The following ANAPC5 variants were observed in gnomAD, a reference collection of about 807,000 sequenced individuals.
ANAPC5 encodes anaphase promoting complex subunit 5.
In ANAPC5, 60 loss-of-function variants were observed where a neutral mutation model predicts 91.3. The ratio of observed to expected loss-of-function variants is 0.66; its 90% CI spans 0.53 to 0.81. The LOEUF (loss-of-function observed/expected upper bound fraction) is 0.81, where lower values mean the gene tolerates loss of function less well. ANAPC5 is among the 40% of genes least tolerant of loss of function. The pLI is 0.00. For synonymous variants in ANAPC5, 340 were observed against 364.1 expected, an observed-to-expected ratio of 0.93 and a Z score of 0.75; for missense variants, 690 against 931.5, an observed-to-expected ratio of 0.74 and a Z score of 3.37.
At chr12:121,341,225 T>C (rs2136808128) in intron 5 of ANAPC5, among the ~76,000 whole-genome samples, 1 of 152,016 alleles carries the variant, frequency 6.6e-6, no homozygotes, top group South Asian at 2.1e-4. Flanking sequence ...ATCCCAGCAC[T>C]TTGGGAAGCC....
chr12:121,347,377 C>T (rs1427801391), intron 2 of ANAPC5: 1 of 264,578 alleles, frequency 3.8e-6, no homozygotes, highest in African/African-American at 2.3e-5. Context: ...CACTTGTAAT[C>T]CCAGCACTTT....
intron 4 of ANAPC5, among the ~76,000 whole-genome samples, chr12:121,344,581 CAAA>C (rs58016198): frequency 1.5e-4 from 12 of 81,796 alleles, no homozygotes; most frequent in Admixed American, 5.6e-4. Context: ...GACTTGATCT[CAAA>C]AAAAAAAAAA....
chr12:121,347,683 G>T, intron 2 of ANAPC5, 119 bp downstream of exon 2: 3 of 750,964 alleles, frequency 4.0e-6, no homozygotes, highest in East Asian at 2.7e-5. Flanking sequence ...AAAGGCTCTT[G>T]GGAAAACAAC....
At chr12:121,346,098 C>T (rs1555274667) in intron 3 of ANAPC5, 67 bp from the exon 4 acceptor site, 1 of 1,285,834 alleles carries the variant, frequency 7.8e-7, no homozygotes, top group South Asian at 1.4e-5. Context: ...ATGGCAACTC[C>T]ACAATGGCAA....
At chr12:121,341,045 T>C (rs1422009797) in intron 5 of ANAPC5, among the ~76,000 whole-genome samples, 2 of 151,584 alleles carry the variant, frequency 1.3e-5, no homozygotes, top group African/African-American at 4.8e-5. Context: ...TAAGAAATGT[T>C]TGGGCTGGGC....
chr12:121,349,499 A>T (rs1903802038), intron 1 of ANAPC5, among the ~76,000 whole-genome samples: 1 of 152,044 alleles, frequency 6.6e-6, no homozygotes, highest in African/African-American at 2.4e-5. Context: ...GGTGGAGGCT[A>T]TGGTAAGCTA....
chr12:121,331,050 G>A, intron 8 of ANAPC5: 1 of 409,012 alleles, frequency 2.4e-6, no homozygotes, highest in East Asian at 4.5e-5. Flanking sequence ...GTTACTAAGT[G>A]TAGTATACAT....
intron 15 of ANAPC5, among the ~76,000 whole-genome samples, chr12:121,310,933 CAA>C (rs35742192): frequency 1.6e-4 from 10 of 61,150 alleles, no homozygotes; most frequent in Admixed American, 1.9e-4. Context: ...GACTCCATCT[CAA>C]AAAAAAAAAA....
intron 13 of ANAPC5, among the ~76,000 whole-genome samples, chr12:121,319,204 A>C (rs1423855651): frequency 1.3e-5 from 2 of 151,450 alleles, no homozygotes; most frequent in African/African-American, 4.9e-5. Context: ...TCTGGGAGAT[A>C]CTTATTTTCT....
intron 6 of ANAPC5, among the ~76,000 whole-genome samples, chr12:121,336,643 G>C (rs1566191791): frequency 6.6e-6 from 1 of 152,182 alleles, no homozygotes; most frequent in Non-Finnish European, 1.5e-5. Flanking sequence ...TCGCACCACT[G>C]CACGCCAGCC....
chr12:121,350,471 G>T (rs1445216621), intron 1 of ANAPC5, among the ~76,000 whole-genome samples: 1 of 152,036 alleles, frequency 6.6e-6, no homozygotes, highest in Non-Finnish European at 1.5e-5. Context: ...CACGAGGTCT[G>T]GAGATCGAGA....
At chr12:121,327,066 A>G in intron 11 of ANAPC5, 30 bp downstream of exon 11, 1 of 1,572,040 alleles carries the variant, frequency 6.4e-7, no homozygotes, top group Non-Finnish European at 8.6e-7. Context: ...CCATTGCTCC[A>G]GAAGCACGTG....
Position 121,330,499 on chromosome 12 carries a change from G to A in ANAPC5, c.1122+84C>T, listed in dbSNP as rs550818210. On this transcript the variant is annotated intron_variant, in intron 9 of 16. Transcript: ENST00000261819. The stretch of plus-strand genomic sequence containing the variant: ...CTTTGAAACCCATTCTAAATCTATC[G>A]CTGGTTAATGACAGAGGTGGGCAGA... 285 of 1,083,648 alleles carry A rather than the reference G, an allele frequency of 2.6e-4. 1 individual carries two copies. In the African/African-American group the frequency reaches 3.8e-3, roughly 14 times the overall value. The allele number at this position is 1,083,648 out of a possible 1,614,324, so 67.1% of individuals were successfully genotyped here.
intron 6 of ANAPC5, 63 bp from the exon 7 acceptor site, chr12:121,335,786 CAG>C (rs1903212018): frequency 7.2e-7 from 1 of 1,380,194 alleles, no homozygotes; most frequent in Non-Finnish European, 1.0e-6. Flanking sequence ...AAGACAACTG[CAG>C]AGAGTTCCAC....
At chr12:121,315,283 A>G (rs1299616435) in intron 15 of ANAPC5, among the ~76,000 whole-genome samples, 2 of 152,244 alleles carry the variant, frequency 1.3e-5, no homozygotes, top group Non-Finnish European at 2.9e-5. Flanking sequence ...TTGTTGAAGT[A>G]AGTTAAAGAT....
chr12:121,347,908 T>C (rs782278207), intron 1 of ANAPC5, 27 bp from the exon 2 acceptor site: 2 of 1,515,522 alleles, frequency 1.3e-6, no homozygotes, highest in Admixed American at 1.7e-5. Flanking sequence ...TAGGGAGGTA[T>C]GGATTTTAAA....
intron 1 of ANAPC5, chr12:121,351,323 C>G (rs1181833742): frequency 3.4e-6 from 1 of 292,580 alleles, no homozygotes; most frequent in African/African-American, 2.3e-5. Context: ...CAGTGAGCCG[C>G]GATCACACTA....
At chr12:121,344,267 T>C (rs998088823) in intron 4 of ANAPC5, among the ~76,000 whole-genome samples, 5 of 151,952 alleles carry the variant, frequency 3.3e-5, no homozygotes. Flanking sequence ...ATGAGAGGTA[T>C]GGAGGAATAA....
chr12:121,331,352 A>G lies in ANAPC5; in HGVS notation c.1027T>C (p.Cys343Arg), dbSNP rs1903036098. 1 of 1,589,120 alleles carries G rather than the reference A, an allele frequency of 6.3e-7. No homozygotes were observed. Among genetic ancestry groups the G allele is most frequent in the Admixed American group, 1.7e-5 (1 of 59,712 alleles). The change falls in exon 8 of 17, where the codon TGT (cysteine) becomes CGT (arginine). Residue 343 changes from cysteine to arginine, a missense_variant. Cys to Arg is a radical substitution (Grantham distance 180). Around this residue, in one of 5 missense-constraint regions of ANAPC5, gnomAD observed 36 missense variants for 27.6 expected, o/e 1.30. Transcript: ENST00000261819. ...ESNDHVCLQH[C>R]LSWLYVLGQK... ...AGACCAGAGGATGGCCTCACCAAAC[A>G]GTGCTGGAGACACACGTGATCGTTG...
Sources: allele counts gnomAD v4.1 joint callset (sites outside exome capture counted in the v4.1 genomes callset), GRCh38; gene constraint gnomAD v4.1.1; regional missense constraint gnomAD v4.1.1; transcripts MANE v1.5; gene names NCBI Gene and HGNC (gene_info 2026-07-23, HGNC 2026-07-21).